ZNF652: variants seen among roughly 807,000 people sequenced by gnomAD.
ZNF652 encodes the protein zinc finger protein 652.
Under a neutral mutation model 45.2 loss-of-function variants are expected in ZNF652, and 16 were observed. The observed-to-expected ratio is 0.35, with a 90% CI of 0.24 to 0.54. ZNF652 has a LOEUF of 0.54. Among genes scored for constraint, ZNF652 ranks in the 20% least tolerant of loss-of-function variants. The probability of loss-of-function intolerance (pLI) is 0.91; values close to 1 mark genes in which losing one functional copy is unlikely to be tolerated. For missense variants in ZNF652, 614 were observed against 765.6 expected (o/e 0.80, Z 2.34); for synonymous variants, 250 against 260.6 (o/e 0.96, Z 0.39).
At chr17:49,311,593 C>T in intron 4 of ZNF652, 137 bp from the exon 5 acceptor site, 5 of 995,722 alleles carry the variant, frequency 5.0e-6, no homozygotes, top group Non-Finnish European at 7.1e-6. Flanking sequence ...TTTGGCTTTG[C>T]TATATTTCTG....
At position 49,313,973 on chromosome 17, in the gene ZNF652, C is replaced by CAAAAAAAAAAAAAAAAAAAAAAAAA. The variant is rs71144595; in HGVS notation, c.901-1153_901-1129dup. Reference sequence around the variant, plus strand: ...GGCAACAAAGAGCGAAACTCCATCTCAAAAAAAAAAAAAAAAAAAAAAAAA... The same window carrying CAAAAAAAAAAAAAAAAAAAAAAAAA: ...GGCAACAAAGAGCGAAACTCCATCTCAAAAAAAAAAAAAAAAAAAAAAAAAAAAAAAAAAAAAAAAAAAAAAAAAA... On this transcript the variant is annotated intron_variant, in intron 2 of 5. Transcript: ENST00000430262. Among the ~76,000 whole-genome samples, 5 of 22,872 alleles carry CAAAAAAAAAAAAAAAAAAAAAAAAA rather than the reference C, an allele frequency of 2.2e-4. 1 individual carries two copies. The highest frequency in any genetic ancestry group is 3.7e-4 in the Non-Finnish European group (5 of 13,642). The allele number at this position is 22,872 out of a possible 152,430, so 15.0% of individuals were successfully genotyped here. A position where few individuals can be genotyped will look rare whatever the true frequency, so the allele number is the denominator to read the frequency against.
chr17:49,299,633 G>A (rs142825856), intron 5 of ZNF652, among the ~76,000 whole-genome samples: 19 of 151,578 alleles, frequency 1.3e-4, no homozygotes, highest in African/African-American at 3.1e-4. Context: ...TACCCACCTC[G>A]GCCTCTCAAA....
At chr17:49,289,130 C>CAA (rs971828173), downstream of ZNF652, 5 of 151,378 alleles carry the variant, frequency 3.3e-5, no homozygotes, top group Admixed American at 2.6e-4. Context: ...TCAAAAAGGG[C>CAA]AATTTGTTAG....
In ZNF652 at chr17:49,317,851, T is replaced by TTTTC. The variant is rs1442981066; in HGVS notation, c.-127_-126insGAAA. 70 of 1,083,804 alleles carry TTTTC rather than the reference T, an allele frequency of 6.5e-5. No individual in the cohort carries two copies. The highest frequency in any genetic ancestry group is 8.6e-5 in the Non-Finnish European group (68 of 789,946). 67.1% of individuals were successfully genotyped at this position (1,083,804 alleles called of 1,614,324 possible). Reference sequence around the variant, plus strand: ...CACTCAAATGAAAAAAAGATATTCCTGGAAACTGTGTGCAATTCTTCCAGT... The same window carrying TTTTC: ...CACTCAAATGAAAAAAAGATATTCCTTTTCGGAAACTGTGTGCAATTCTTCCAGT... On this transcript the variant is annotated 5_prime_UTR_variant, in exon 2 of 6. An upstream open reading frame in the 5' UTR loses its in-frame stop. Transcript: ENST00000430262.
At chr17:49,347,144 T>C (rs1408274348) in intron 1 of ZNF652, among the ~76,000 whole-genome samples, 1 of 152,214 alleles carries the variant, frequency 6.6e-6, no homozygotes, top group Non-Finnish European at 1.5e-5. Flanking sequence ...CTCATTCTTT[T>C]GAAAACAGAT....
intron 2 of ZNF652, among the ~76,000 whole-genome samples, chr17:49,315,032 GTTTTA>G (rs956730033): frequency 7.0e-5 from 9 of 128,222 alleles, no homozygotes; most frequent in African/African-American, 2.6e-4. Flanking sequence ...TTAGGGGAGG[GTTTTA>G]GTTTGTTTTT....
downstream of ZNF652, among the ~76,000 whole-genome samples, chr17:49,288,640 G>A (rs762290534): frequency 3.3e-5 from 5 of 152,202 alleles, no homozygotes; most frequent in African/African-American, 4.8e-5. Context: ...GTCTGTGAGA[G>A]TAGAGCCTGT....
In ZNF652 at chr17:49,362,180, G is replaced by T. The variant is rs1379823161; in HGVS notation, c.-530C>A. ...CGGGGCCGGCGGGGCGGGCAGCGCGGGGCGGGCGGCAGGGGAGGGGGTGTG... is the reference window on the plus strand; with the variant it reads ...CGGGGCCGGCGGGGCGGGCAGCGCGTGGCGGGCGGCAGGGGAGGGGGTGTG... On this transcript the variant is annotated 5_prime_UTR_variant, in exon 1 of 6. Transcript: ENST00000430262. The T allele has an allele frequency of 6.6e-6, 1 of 150,618 alleles. No individual in the cohort carries two copies. Among genetic ancestry groups the T allele is most frequent in the Non-Finnish European group, 1.5e-5 (1 of 67,222 alleles). 9.3% of individuals were successfully genotyped at this position (150,618 alleles called of 1,614,324 possible).
downstream of ZNF652, chr17:49,288,327 T>C (rs1294192664): frequency 2.0e-5 from 3 of 152,162 alleles, no homozygotes; most frequent in East Asian, 1.9e-4. Flanking sequence ...AGATACAAGA[T>C]GATAAAGAAT....
At chr17:49,332,156 T>C (rs1463706313) in intron 1 of ZNF652, among the ~76,000 whole-genome samples, 1 of 151,618 alleles carries the variant, frequency 6.6e-6, no homozygotes, top group Non-Finnish European at 1.5e-5. Flanking sequence ...TAATCCCAGC[T>C]ACTTGGGAGG....
intron 1 of ZNF652, among the ~76,000 whole-genome samples, chr17:49,324,055 G>A (rs1001030907): frequency 2.0e-5 from 3 of 152,202 alleles, no homozygotes; most frequent in Non-Finnish European, 4.4e-5. Flanking sequence ...GACAGTCCTA[G>A]ATGGCATCTT....
At chr17:49,308,117 TTTTAC>T (rs1247165659) in intron 5 of ZNF652, among the ~76,000 whole-genome samples, 2 of 152,200 alleles carry the variant, frequency 1.3e-5, no homozygotes, top group East Asian at 3.9e-4. Context: ...GGTGGTATGA[TTTTAC>T]TTTGTTTGCA....
intron 5 of ZNF652, among the ~76,000 whole-genome samples, chr17:49,302,876 C>T (rs964104679): frequency 4.0e-5 from 6 of 151,828 alleles, no homozygotes; most frequent in African/African-American, 1.2e-4. Context: ...GCAGGAGAAT[C>T]GCTTGAACCC....
rs1208007083 is a variant in ZNF652, at chr17:49,311,372, A to C, written c.1249T>G (p.Trp417Gly). 1 of 1,614,018 alleles carries C rather than the reference A, an allele frequency of 6.2e-7. No individual in the cohort carries two copies. Among genetic ancestry groups the C allele is most frequent in the Non-Finnish European group, 8.5e-7 (1 of 1,179,986 alleles). The change falls in exon 5 of 6, where the codon TGG becomes GGG. Residue 417 changes from tryptophan to glycine, a missense_variant. Physicochemically the swap from Trp to Gly is radical, Grantham distance 184 (BLOSUM62 -2). Around this residue, in one of 5 missense-constraint regions of ZNF652, gnomAD observed 81 missense variants for 167.0 expected, o/e 0.48. Transcript: ENST00000430262. ...HIGHKQFMCQWCGKDFNMKQY... is the reference protein window; with the variant it reads ...HIGHKQFMCQGCGKDFNMKQY... Reference sequence around the variant, plus strand: ...TTCATGTTGAAATCCTTGCCACACCACTGGCACATGAACTGTTTGTGCCCA... The same window carrying C: ...TTCATGTTGAAATCCTTGCCACACCCCTGGCACATGAACTGTTTGTGCCCA...
intron 1 of ZNF652, among the ~76,000 whole-genome samples, chr17:49,353,467 G>A (rs2070303364): frequency 6.6e-6 from 1 of 152,064 alleles, no homozygotes; most frequent in South Asian, 2.1e-4. Context: ...ACTGTACCCA[G>A]ACAAATTCTT....
rs538836210 is a variant in ZNF652, at chr17:49,296,461, G to A, written c.*1952C>T. The A allele has an allele frequency of 2.6e-5, 4 of 152,550 alleles. No homozygotes were observed. Among genetic ancestry groups the A allele is most frequent in the South Asian group, 2.1e-4 (1 of 4,816 alleles). 9.4% of individuals were successfully genotyped at this position (152,550 alleles called of 1,614,324 possible). ...GAGCTCATTAGTTAGAAAAGTGCTC[G>A]AAGCATATCTGCACATTTAATATTA... On this transcript the variant is annotated 3_prime_UTR_variant, in exon 6 of 6. Transcript: ENST00000430262.
chr17:49,324,012 A>C (rs1297563409), intron 1 of ZNF652, among the ~76,000 whole-genome samples: 1 of 152,194 alleles, frequency 6.6e-6, no homozygotes, highest in Non-Finnish European at 1.5e-5. Flanking sequence ...GAGTCAGCCT[A>C]TCTTTTGAAG....
chr17:49,348,944 T>C (rs2070241083), intron 1 of ZNF652, among the ~76,000 whole-genome samples: 1 of 152,074 alleles, frequency 6.6e-6, no homozygotes, highest in African/African-American at 2.4e-5. Flanking sequence ...GTGGTATGCT[T>C]CTGAATGAAA....
At chr17:49,330,943 G>A (rs552941698) in intron 1 of ZNF652, among the ~76,000 whole-genome samples, 2 of 151,314 alleles carry the variant, frequency 1.3e-5, no homozygotes, top group African/African-American at 4.8e-5. Context: ...TGGGCGTGGT[G>A]ACACATGCCT....
Sources: allele counts gnomAD v4.1 joint callset (sites outside exome capture counted in the v4.1 genomes callset), GRCh38; gene constraint gnomAD v4.1.1; regional missense constraint gnomAD v4.1.1; transcripts MANE v1.5; gene names NCBI Gene and HGNC (gene_info 2026-07-23, HGNC 2026-07-21).